The following APBB2 variants were observed in gnomAD, a reference collection of about 807,000 sequenced individuals.
APBB2 encodes amyloid beta precursor protein binding family B member 2.
A neutral mutation model predicts 82.5 loss-of-function variants in APBB2; 38 were observed. That is an observed-to-expected ratio of 0.46 (90% CI 0.36 to 0.60). The LOEUF is 0.60. Among genes scored for constraint, APBB2 ranks in the 20% least tolerant of loss-of-function variants. The pLI is 0.00. For missense variants in APBB2, 772 were observed against 972.3 expected, an observed-to-expected ratio of 0.79 and a Z score of 2.74; for synonymous variants, 341 against 368.2, an observed-to-expected ratio of 0.93 and a Z score of 0.85.
chr4:41,157,876 C>A (rs1763885296), intron 1 of APBB2, among the ~76,000 whole-genome samples: 1 of 152,162 alleles, frequency 6.6e-6, no homozygotes, highest in Non-Finnish European at 1.5e-5. Flanking sequence ...CCTATAATCT[C>A]AGCTACTCAG....
chr4:41,176,533 T>C (rs943931564), intron 1 of APBB2, among the ~76,000 whole-genome samples: 7 of 150,400 alleles, frequency 4.7e-5, no homozygotes, highest in African/African-American at 1.7e-4. Flanking sequence ...AATCAAAAAG[T>C]AATATATAAA....
At chr4:41,104,404 G>A (rs1028065207) in intron 2 of APBB2, among the ~76,000 whole-genome samples, 2 of 152,120 alleles carry the variant, frequency 1.3e-5, no homozygotes, top group Non-Finnish European at 2.9e-5. Flanking sequence ...GGGACAACTT[G>A]GCCACCACAC....
intron 5 of APBB2, among the ~76,000 whole-genome samples, chr4:41,025,565 G>A (rs113440967): frequency 0.089 from 13,561 of 151,952 alleles, 723 homozygotes; most frequent in Admixed American, 0.14. Context: ...TCACTGCAGC[G>A]CTATTCACAA....
intron 6 of APBB2, among the ~76,000 whole-genome samples, chr4:40,972,258 C>A (rs1328771340): frequency 6.6e-6 from 1 of 151,888 alleles, no homozygotes; most frequent in Non-Finnish European, 1.5e-5. Context: ...GAAACCCCGT[C>A]TCCACTAAAA....
intron 2 of APBB2, among the ~76,000 whole-genome samples, chr4:41,116,544 T>C (rs999879069): frequency 6.6e-6 from 1 of 152,008 alleles, no homozygotes; most frequent in Non-Finnish European, 1.5e-5. Context: ...GGCAGGAGAA[T>C]TGCTTGAACC....
rs148222536 is a variant in APBB2, at chr4:40,826,373, G to GTT, written c.1733-405_1733-404dup. Reference sequence around the variant, plus strand: ...TGAGTTCCCCCAGTAATCAACCCACGTTTTTTTTTTTTTAGAGACAAGAGT... The same window carrying GTT: ...TGAGTTCCCCCAGTAATCAACCCACGTTTTTTTTTTTTTTTAGAGACAAGAGT... On this transcript the variant is annotated intron_variant, in intron 14 of 17. Transcript: ENST00000508593. The surrounding 1 kb of genome is among the most constrained non-coding windows in gnomAD (Gnocchi z 4.5). 7.0e-4 allele frequency among the ~76,000 whole-genome samples: 102 copies of GTT among 146,084 alleles called. No homozygotes were observed. Among genetic ancestry groups the GTT allele is most frequent in the Middle Eastern group, 7.2e-3 (2 of 278 alleles).
intron 1 of APBB2, among the ~76,000 whole-genome samples, chr4:41,194,648 A>G: frequency 6.6e-6 from 1 of 152,186 alleles, no homozygotes; most frequent in Non-Finnish European, 1.5e-5. Flanking sequence ...TTGGTGACAG[A>G]GCAAGACCTT....
intron 1 of APBB2, among the ~76,000 whole-genome samples, chr4:41,174,588 G>T (rs2154056517): frequency 6.6e-6 from 1 of 152,262 alleles, no homozygotes; most frequent in African/African-American, 2.4e-5. Context: ...TACAAAAATG[G>T]TGAGAAGGCA....
chr4:41,124,386 T>A (rs1380506740), intron 2 of APBB2, among the ~76,000 whole-genome samples: 1 of 152,104 alleles, frequency 6.6e-6, no homozygotes, highest in Non-Finnish European at 1.5e-5. Context: ...GCCCGGCTAA[T>A]TTTTTGTATT....
chr4:41,009,770 AT>A (rs1413328785), intron 6 of APBB2, among the ~76,000 whole-genome samples: 1 of 152,058 alleles, frequency 6.6e-6, no homozygotes, highest in Non-Finnish European at 1.5e-5. Context: ...GTCACAAGAT[AT>A]TTGCTCTCGT....
intron 12 of APBB2, chr4:40,856,920 C>A: frequency 1.0e-6 from 1 of 983,060 alleles, no homozygotes; most frequent in Non-Finnish European, 1.2e-6. Flanking sequence ...CCGCAGGTCT[C>A]CCGCGCCCGC....
intron 1 of APBB2, among the ~76,000 whole-genome samples, chr4:41,144,663 T>C (rs1006438400): frequency 9.2e-5 from 14 of 152,376 alleles, no homozygotes; most frequent in Middle Eastern, 6.8e-3. Context: ...AAAACCCAAG[T>C]GTCCAGTAAC....
chr4:41,157,065 CAAA>C (rs1302613201), intron 1 of APBB2, among the ~76,000 whole-genome samples: 1 of 72,802 alleles, frequency 1.4e-5, no homozygotes. Context: ...GACTCTGTCT[CAAA>C]AAAAAAAAAA....
chr4:40,888,232 C>T (rs934926612), intron 12 of APBB2, among the ~76,000 whole-genome samples: 1 of 152,220 alleles, frequency 6.6e-6, no homozygotes, highest in Admixed American at 6.5e-5. Flanking sequence ...TTATTATGAT[C>T]CTCACTTCAC....
intron 11 of APBB2, among the ~76,000 whole-genome samples, chr4:40,892,202 C>T (rs538878609): frequency 2.6e-5 from 4 of 152,248 alleles, no homozygotes; most frequent in South Asian, 4.1e-4. Context: ...CCACCTGCCT[C>T]GGCCTCCCAA....
At chr4:41,056,166 G>A (rs1413717040) in intron 4 of APBB2, among the ~76,000 whole-genome samples, 1 of 151,744 alleles carries the variant, frequency 6.6e-6, no homozygotes, top group Non-Finnish European at 1.5e-5. Context: ...GGCAACAAGA[G>A]CTAAACTCCA....
intron 2 of APBB2, among the ~76,000 whole-genome samples, chr4:41,102,522 A>T (rs938369211): frequency 2.0e-5 from 3 of 152,226 alleles, no homozygotes; most frequent in Non-Finnish European, 4.4e-5. Flanking sequence ...TTTATGCATG[A>T]TTTCACTGCA....
chr4:41,205,390 C>A, intron 1 of APBB2, among the ~76,000 whole-genome samples: 1 of 152,132 alleles, frequency 6.6e-6, no homozygotes, highest in East Asian at 1.9e-4. Flanking sequence ...ACCCGCTTCC[C>A]ATTTTCTCAC....
chr4:41,174,971 T>C (rs568474561), intron 1 of APBB2, among the ~76,000 whole-genome samples: 5 of 152,348 alleles, frequency 3.3e-5, no homozygotes, highest in Non-Finnish European at 7.4e-5. Context: ...CGTTCCAGAA[T>C]TCCTTTAAAA....
Sources: gnomAD v4.1 joint callset for allele counts (sites outside exome capture counted in the v4.1 genomes callset) on GRCh38, gnomAD v4.1.1 for gene constraint, Gnocchi (gnomAD v3.1) non-coding constraint, MANE v1.5 for transcripts, NCBI Gene and HGNC (gene_info 2026-07-23, HGNC 2026-07-21) for gene names.